ASIP: variants seen among roughly 807,000 people sequenced by gnomAD.
The protein encoded by ASIP is agouti signaling protein, also known as agouti-signaling protein.
Under a neutral mutation model 10.3 loss-of-function variants are expected in ASIP, and 11 were observed. The observed-to-expected ratio is 1.07, with a 90% CI of 0.68 to 1.78. The LOEUF (loss-of-function observed/expected upper bound fraction) is 1.78. ASIP is among the 40% of genes most tolerant of loss of function. The probability of loss-of-function intolerance (pLI) is 0.00; values close to 1 mark genes in which losing one functional copy is unlikely to be tolerated. For missense variants in ASIP, 180 were observed against 169.2 expected (o/e 1.06, Z -0.35); for synonymous variants, 70 against 70.8 (o/e 0.99, Z 0.06).
the ASIP span, among the ~76,000 whole-genome samples, chr20:34,187,305 T>G: frequency 6.6e-6 from 1 of 152,188 alleles, no homozygotes; most frequent in African/African-American, 2.4e-5. Context: ...GGAAGAAAGA[T>G]TCTCGGGGCA....
At chr20:34,213,382 C>A in intron 1 of ASIP, 1 of 604,890 alleles carries the variant, frequency 1.7e-6, no homozygotes, top group Non-Finnish European at 2.9e-6. Flanking sequence ...AAAGTTAATG[C>A]CAGAGAGTGG....
chr20:34,243,457 T>A (rs1018188917), intron 1 of ASIP, among the ~76,000 whole-genome samples: 1 of 151,644 alleles, frequency 6.6e-6, no homozygotes, highest in Non-Finnish European at 1.5e-5. Flanking sequence ...TAAGAAAAAA[T>A]TATTCTGAAT....
intron 1 of ASIP, among the ~76,000 whole-genome samples, chr20:34,251,301 C>T (rs966790339): frequency 4.6e-5 from 7 of 150,972 alleles, no homozygotes; most frequent in East Asian, 1.9e-4. Flanking sequence ...GACAGAGTCT[C>T]GCTCCGTCGC....
In ASIP at chr20:34,241,488, ATG is replaced by A. The variant is rs2035282960; in HGVS notation, c.-11+2_-11+3del. 1.0e-6 allele frequency: 1 copy of A among 985,376 alleles called. No individual in the cohort carries two copies. The highest frequency in any genetic ancestry group is 1.7e-5 in the African/African-American group (1 of 57,252). The allele number at this position is 985,376 out of a possible 1,614,324, so 61.0% of individuals were successfully genotyped here. ...TGGCCTGGGCTCTTTGCGGGAAAGC[ATG>A]TGAGTTTAGATGGCAACTTTAATCT... On this transcript the variant is annotated splice_donor_variant and 5_prime_UTR_variant, in exon 1 of 4. Coordinates refer to ENST00000374954, the MANE Select transcript of ASIP (RefSeq NM_001672.3). LOFTEE classifies it low-confidence loss of function (5UTR_SPLICE).
At chr20:34,242,335 C>T (rs1270000109) in intron 1 of ASIP, among the ~76,000 whole-genome samples, 2 of 152,174 alleles carry the variant, frequency 1.3e-5, no homozygotes, top group African/African-American at 4.8e-5. Context: ...TGAGTTCAAA[C>T]GATTCTCCCA....
chr20:34,204,115 C>A (rs1321781665), intron 1 of ASIP, among the ~76,000 whole-genome samples: 1 of 152,204 alleles, frequency 6.6e-6, no homozygotes, highest in Non-Finnish European at 1.5e-5. Flanking sequence ...TTGCATACAG[C>A]AACCCTGCTT....
At chr20:34,203,035 C>G (rs959748789) in intron 1 of ASIP, among the ~76,000 whole-genome samples, 42 of 151,904 alleles carry the variant, frequency 2.8e-4, no homozygotes, top group African/African-American at 9.9e-4. Flanking sequence ...GTGTCAATCT[C>G]CTGACCTCAT....
At chr20:34,246,300 C>G in intron 1 of ASIP, 1 of 1,551,154 alleles carries the variant, frequency 6.4e-7, no homozygotes. Flanking sequence ...CCTTGACCCT[C>G]ACTAATTCCA....
intron 2 of ASIP, among the ~76,000 whole-genome samples, chr20:34,262,118 A>G (rs1385379623): frequency 6.7e-6 from 1 of 149,640 alleles, no homozygotes. Flanking sequence ...GTCTCAAAAG[A>G]AAAAAAAAAG....
chr20:34,250,538 C>CT (rs1257105871), intron 1 of ASIP, among the ~76,000 whole-genome samples: 1 of 152,092 alleles, frequency 6.6e-6, no homozygotes, highest in Non-Finnish European at 1.5e-5. Flanking sequence ...TGGCTCACAC[C>CT]TGTAATCCCA....
At chr20:34,263,111 G>A (rs1006496502) in intron 3 of ASIP, among the ~76,000 whole-genome samples, 3 of 152,168 alleles carry the variant, frequency 2.0e-5, no homozygotes, top group African/African-American at 7.2e-5. Context: ...AATAGGTTAC[G>A]AAAAGCAGCT....
chr20:34,209,347 T>A (rs1227457760), intron 1 of ASIP, among the ~76,000 whole-genome samples: 2 of 152,112 alleles, frequency 1.3e-5, no homozygotes, highest in Non-Finnish European at 2.9e-5. Flanking sequence ...AGGCCTACCC[T>A]CACGGGTGCA....
At chr20:34,249,630 A>G (rs2035440846) in intron 1 of ASIP, among the ~76,000 whole-genome samples, 1 of 152,124 alleles carries the variant, frequency 6.6e-6, no homozygotes, top group Non-Finnish European at 1.5e-5. Flanking sequence ...TTTTTTAACA[A>G]GGGGTCCTAC....
intron 1 of ASIP, among the ~76,000 whole-genome samples, chr20:34,249,011 C>A (rs905913837): frequency 6.6e-6 from 1 of 151,090 alleles, no homozygotes; most frequent in Non-Finnish European, 1.5e-5. Flanking sequence ...TGCCTGTAGT[C>A]CCAGCTACTA....
chr20:34,235,557 A>G (rs2035169497), intron 1 of ASIP, among the ~76,000 whole-genome samples: 1 of 152,148 alleles, frequency 6.6e-6, no homozygotes, highest in Non-Finnish European at 1.5e-5. Flanking sequence ...AAGACCAGGC[A>G]ACAGAAGTAT....
intron 1 of ASIP, among the ~76,000 whole-genome samples, chr20:34,258,768 TAA>T (rs1491520746): frequency 3.0e-5 from 3 of 100,376 alleles, no homozygotes; most frequent in Non-Finnish European, 5.8e-5. Context: ...ATGATATATA[TAA>T]TATATATAGT....
intron 1 of ASIP, among the ~76,000 whole-genome samples, chr20:34,226,535 G>A (rs2035094257): frequency 2.6e-5 from 4 of 151,932 alleles, no homozygotes; most frequent in African/African-American, 7.3e-5. Flanking sequence ...ATATTTTTTA[G>A]TAGAGACAGG....
chr20:34,197,335 T>C (rs2034864939), intron 1 of ASIP, among the ~76,000 whole-genome samples: 1 of 152,134 alleles, frequency 6.6e-6, no homozygotes, highest in Non-Finnish European at 1.5e-5. Context: ...CACTCTAGCC[T>C]GGGCAGCAGA....
intron 1 of ASIP, among the ~76,000 whole-genome samples, chr20:34,201,017 C>CTTTCTTTCTTTCT (rs2034892333): frequency 3.2e-5 from 2 of 63,474 alleles, no homozygotes; most frequent in African/African-American, 7.1e-5. Flanking sequence ...TCCTTCCTTC[C>CTTTCTTTCTTTCT]TTCTTTCTTT....
Sources: allele counts gnomAD v4.1 joint callset (sites outside exome capture counted in the v4.1 genomes callset), GRCh38; gene constraint gnomAD v4.1.1; transcripts MANE v1.5; gene names NCBI Gene and HGNC (gene_info 2026-07-23, HGNC 2026-07-21).